Variants in CD46 observed in about 807,000 individuals in gnomAD.
CD46 encodes the protein membrane cofactor protein.
A neutral mutation model predicts 53.3 loss-of-function variants in CD46; 30 were observed. That is an observed-to-expected ratio of 0.56 (90% confidence interval 0.42 to 0.76). The LOEUF (loss-of-function observed/expected upper bound fraction) is 0.76. CD46 is among the 30% of genes least tolerant of loss of function. The pLI, the probability that CD46 is intolerant of heterozygous loss-of-function variation, is 0.00. For missense variants in CD46, 409 were observed against 463.0 expected, an observed-to-expected ratio of 0.88 and a Z score of 1.07; for synonymous variants, 142 against 152.0, an observed-to-expected ratio of 0.93 and a Z score of 0.48.
rs771467005 is a variant in CD46 at position 207,785,113 on chromosome 1, A to G, written c.1018+7A>G. On this transcript the variant is annotated splice_region_variant and intron_variant, in intron 10 of 12. Transcript: ENST00000367042. ...GTGATTGTTATTGCCATAGGTAAGT[A>G]TCACAAATTTTGACACCACTTAAGT... is the stretch of plus-strand genomic sequence containing the variant. The G allele has an allele frequency of 1.7e-5, 27 of 1,609,390 alleles. No individual in the cohort carries two copies. In the East Asian group the frequency reaches 5.8e-4, roughly 35 times the overall value.
intron 12 of CD46, among the ~76,000 whole-genome samples, chr1:207,791,000 T>C (rs1173295927): frequency 6.6e-6 from 1 of 152,230 alleles, no homozygotes; most frequent in African/African-American, 2.4e-5. Flanking sequence ...CCACCTCTTA[T>C]AATGTGAGGC....
rs759136081 is a variant in CD46 at position 207,761,266 on chromosome 1, C to T, written c.493C>T (p.Pro165Ser). 1.2e-6 allele frequency: 2 copies of T among 1,608,862 alleles called. No individual in the cohort carries two copies. Among genetic ancestry groups the T allele is most frequent in the Non-Finnish European group, 1.7e-6 (2 of 1,175,494 alleles). ...TTTTTAAGAGGTTTTGTGTACACCACCTCCAAAAATAAAAAATGGAAAACA... is the reference window on the plus strand; with the variant it reads ...TTTTTAAGAGGTTTTGTGTACACCATCTCCAAAAATAAAAAATGGAAAACA... ...PICEKVLCTPPPKIKNGKHTF... is the reference protein window; with the variant it reads ...PICEKVLCTPSPKIKNGKHTF... The change falls in exon 5 of 13, where the codon CCT becomes TCT. Residue 165 changes from proline to serine, a missense_variant. Transcript: ENST00000367042.
rs563574394 is a variant in CD46, at chr1:207,777,395, G to A, written c.944-5897G>A. 4.9e-4 allele frequency among the ~76,000 whole-genome samples: 74 copies of A among 152,054 alleles called. 1 individual carries two copies. Among genetic ancestry groups the A allele is most frequent in the Admixed American group, 4.8e-3 (74 of 15,272 alleles). On this transcript the variant is annotated intron_variant, in intron 8 of 12. Transcript: ENST00000367042. ...GTGAAGGTTTGTTACATAAGTAAAC[G>A]TGTCACAGGGATTTGTTGTACATAA...
chr1:207,767,284 A>T, intron 6 of CD46, 89 bp downstream of exon 6: 2 of 1,145,352 alleles, frequency 1.7e-6, no homozygotes, highest in Non-Finnish European at 2.6e-6. Context: ...ACTATCAGTC[A>T]TACAAAATAA....
intron 9 of CD46, 74 bp from the exon 10 acceptor site, chr1:207,784,997 T>C (rs1191135832): frequency 1.3e-5 from 16 of 1,252,334 alleles, no homozygotes; most frequent in Admixed American, 7.1e-5. Flanking sequence ...ATCAAGTGTT[T>C]AGATGATCTG....
chr1:207,758,727 A>G (rs1197955918), intron 3 of CD46, among the ~76,000 whole-genome samples: 1 of 152,254 alleles, frequency 6.6e-6, no homozygotes, highest in East Asian at 1.9e-4. Context: ...AGCTGTGACT[A>G]TGTAAGGCAA....
chr1:207,766,048 A>G (rs1459516431), intron 5 of CD46, among the ~76,000 whole-genome samples: 4 of 152,240 alleles, frequency 2.6e-5, no homozygotes, highest in African/African-American at 9.6e-5. Context: ...AGCCATACTA[A>G]GAAGACTGTA....
rs1465312504 is a variant in CD46 at position 207,752,842 on chromosome 1, G to A, written c.97+533G>A. On this transcript the variant is annotated intron_variant, in intron 1 of 12. Transcript: ENST00000367042. The surrounding 1 kb of genome is among the most constrained non-coding windows in gnomAD (Gnocchi z 4.1). ...GGCCTGGCCAGGTGTTGCTGGGAGC[G>A]TGCTGTGCGTAAGTGGCCTGTGTGC... Among the ~76,000 whole-genome samples the A allele has an allele frequency of 6.6e-6, 1 of 152,152 alleles. No homozygotes were observed. Among genetic ancestry groups the A allele is most frequent in the Non-Finnish European group, 1.5e-5 (1 of 68,026 alleles).
Position 207,761,232 on chromosome 1 carries a change from T to C in CD46, c.476-17T>C. On this transcript the variant is annotated splice_polypyrimidine_tract_variant and intron_variant, in intron 4 of 12. Coordinates refer to ENST00000367042, the MANE Select transcript of CD46 (RefSeq NM_172351.3). ...TAATCTTTTACATTTCCTTTCCTCT[T>C]TTTCTTCATTTTTAAGAGGTTTTGT... The C allele has an allele frequency of 6.5e-7, 1 of 1,532,702 alleles. No homozygotes were observed. The highest frequency in any genetic ancestry group is 9.0e-7 in the Non-Finnish European group (1 of 1,108,836). 94.9% of individuals were successfully genotyped at this position (1,532,702 alleles called of 1,614,324 possible). A position where few individuals can be genotyped will look rare whatever the true frequency, so the allele number is the denominator to read the frequency against.
At chr1:207,776,113 G>T (rs553866371) in intron 8 of CD46, among the ~76,000 whole-genome samples, 1 of 152,200 alleles carries the variant, frequency 6.6e-6, no homozygotes, top group Non-Finnish European at 1.5e-5. Flanking sequence ...CTGCAGTGTC[G>T]CAGGTCAATC....
intron 5 of CD46, among the ~76,000 whole-genome samples, chr1:207,766,248 G>A (rs1235582206): frequency 1.3e-5 from 2 of 152,096 alleles, no homozygotes; most frequent in Non-Finnish European, 2.9e-5. Context: ...ATTTGCATTT[G>A]TCAAAACTGA....
At chr1:207,770,915 C>A (rs911989112) in intron 8 of CD46, among the ~76,000 whole-genome samples, 1 of 152,158 alleles carries the variant, frequency 6.6e-6, no homozygotes, top group African/African-American at 2.4e-5. Context: ...TGGGTATATA[C>A]CCAGTAAGGG....
At chr1:207,754,019 C>T (rs1363346263) in intron 1 of CD46, among the ~76,000 whole-genome samples, 1 of 152,124 alleles carries the variant, frequency 6.6e-6, no homozygotes, top group Non-Finnish European at 1.5e-5. Context: ...CTTTGTTTTG[C>T]TCAATGATAA....
chr1:207,759,243 A>T (rs1436229345), intron 3 of CD46, among the ~76,000 whole-genome samples: 1 of 152,220 alleles, frequency 6.6e-6, no homozygotes, highest in Non-Finnish European at 1.5e-5. Flanking sequence ...AAGAAACTAG[A>T]TAAGTTGAGA....
At chr1:207,764,888 A>G (rs1168316965) in intron 5 of CD46, among the ~76,000 whole-genome samples, 2 of 152,212 alleles carry the variant, frequency 1.3e-5, no homozygotes, top group Non-Finnish European at 2.9e-5. Flanking sequence ...AATCACAGCA[A>G]TTCTACACAA....
In CD46 at chr1:207,752,312, AGGACCCC is replaced by A. The variant is rs1257839337; in HGVS notation, c.97+6_97+12del. 1 of 1,613,508 alleles carries A rather than the reference AGGACCCC, an allele frequency of 6.2e-7. No individual in the cohort carries two copies. Among genetic ancestry groups the A allele is most frequent in the African/African-American group, 1.3e-5 (1 of 74,906 alleles). On this transcript the variant is annotated splice_donor_5th_base_variant and intron_variant, in intron 1 of 12. Transcript: ENST00000367042. This position sits in a 1 kb window ranked among gnomAD's most constrained non-coding sequence, Gnocchi z 4.1. ...GTTGCTGCTGTACTCCTTCTCCGGTAGGACCCCGGGGCGGGTTCGCGCGTCCGCGGCG... is the reference window on the plus strand; with the variant it reads ...GTTGCTGCTGTACTCCTTCTCCGGTAGGGGCGGGTTCGCGCGTCCGCGGCG...
Position 207,752,329 on chromosome 1 carries a change from T to C in CD46, c.97+20T>C. 1 of 1,609,442 alleles carries C rather than the reference T, an allele frequency of 6.2e-7. No homozygotes were observed. The highest frequency in any genetic ancestry group is 8.5e-7 in the Non-Finnish European group (1 of 1,176,016). ...TCTCCGGTAGGACCCCGGGGCGGGT[T>C]CGCGCGTCCGCGGCGAGACTAGAGC... On this transcript the variant is annotated intron_variant, in intron 1 of 12. Transcript: ENST00000367042. The surrounding 1 kb of genome is among the most constrained non-coding windows in gnomAD (Gnocchi z 4.1).
At chr1:207,782,570 C>T (rs1236445663) in intron 8 of CD46, among the ~76,000 whole-genome samples, 1 of 150,744 alleles carries the variant, frequency 6.6e-6, no homozygotes, top group Non-Finnish European at 1.5e-5. Context: ...TAATATATGG[C>T]CTTTATTATG....
intron 10 of CD46, 94 bp from the exon 11 acceptor site, chr1:207,785,525 G>T: frequency 2.2e-6 from 2 of 919,112 alleles, no homozygotes. Context: ...TTTGACCACT[G>T]AAATGTAACC....
Sources: gnomAD v4.1 joint callset for allele counts (sites outside exome capture counted in the v4.1 genomes callset) on GRCh38, gnomAD v4.1.1 for gene constraint, Gnocchi (gnomAD v3.1) non-coding constraint, MANE v1.5 for transcripts, NCBI Gene and HGNC (gene_info 2026-07-23, HGNC 2026-07-21) for gene names.